APBA2: variants seen among roughly 807,000 people sequenced by gnomAD.
APBA2 encodes amyloid beta precursor protein binding family A member 2.
A neutral mutation model predicts 75.0 loss-of-function variants in APBA2; 30 were observed. The observed-to-expected ratio is 0.40, with a 90% CI of 0.30 to 0.54. APBA2 has a LOEUF of 0.54. Among genes scored for constraint, APBA2 ranks in the 20% least tolerant of loss-of-function variants. APBA2 has a pLI of 0.49. For synonymous variants in APBA2, 444 were observed against 409.6 expected, an observed-to-expected ratio of 1.08 and a Z score of -1.01; for missense variants, 801 against 1,016.1, an observed-to-expected ratio of 0.79 and a Z score of 2.88.
chr15:28,985,834 G>C (rs776107626), intron 2 of APBA2, among the ~76,000 whole-genome samples: 4 of 152,170 alleles, frequency 2.6e-5, no homozygotes, highest in Non-Finnish European at 4.4e-5. Context: ...AGGAAGGAGA[G>C]AGATAGAAGA....
chr15:29,017,878 TC>T (rs2039755269), intron 3 of APBA2, among the ~76,000 whole-genome samples: 1 of 152,222 alleles, frequency 6.6e-6, no homozygotes, highest in Non-Finnish European at 1.5e-5. Flanking sequence ...TTATTTTGTT[TC>T]TTTTTTGACA....
chr15:28,959,806 A>G (rs1323142672), intron 2 of APBA2, among the ~76,000 whole-genome samples: 4 of 152,140 alleles, frequency 2.6e-5, no homozygotes, highest in African/African-American at 4.8e-5. Flanking sequence ...TGAAACTGAC[A>G]CTCTACGGAA....
intron 1 of APBA2, among the ~76,000 whole-genome samples, chr15:28,898,452 C>T (rs1298451307): frequency 6.6e-6 from 1 of 152,076 alleles, no homozygotes; most frequent in Non-Finnish European, 1.5e-5. Context: ...GGGCTTGCCA[C>T]GTAACGTTGA....
intron 1 of APBA2, among the ~76,000 whole-genome samples, chr15:28,907,190 G>GT (rs1162007242): frequency 1.3e-5 from 2 of 152,142 alleles, no homozygotes; most frequent in South Asian, 2.1e-4. Context: ...TGGGGATGTA[G>GT]TTTTTTTATA....
intron 10 of APBA2, among the ~76,000 whole-genome samples, chr15:29,104,126 G>A (rs1427286274): frequency 6.6e-6 from 1 of 152,242 alleles, no homozygotes; most frequent in Non-Finnish European, 1.5e-5. Flanking sequence ...TTCATCTGCT[G>A]CTCTTACATC....
intron 2 of APBA2, among the ~76,000 whole-genome samples, chr15:28,943,642 C>T (rs1336750852): frequency 2.0e-5 from 3 of 152,182 alleles, no homozygotes; most frequent in Admixed American, 2.0e-4. Flanking sequence ...GCTTTTCACT[C>T]AGCACTGAGT....
chr15:29,054,447 C>T lies in APBA2; in HGVS notation c.563C>T (p.Ala188Val), dbSNP rs748407814. 4 of 1,614,120 alleles carry T rather than the reference C, an allele frequency of 2.5e-6. No homozygotes were observed. In the Admixed American group the frequency reaches 5.0e-5, roughly 20 times the overall value. Residue 188 changes from alanine (A) to valine (V), a missense_variant, in exon 4 of 15, where the codon GCC (alanine) becomes GTC (valine). Around this residue, in one of 2 missense-constraint regions of APBA2, gnomAD observed 434 missense variants for 471.6 expected, o/e 0.92. Transcript: ENST00000683413. The surrounding 1 kb of genome is among the most constrained non-coding windows in gnomAD (Gnocchi z 6.1). ...HDQEEDGHYC[A>V]SKEGYQDYYP... ...CAGGAAGAAGATGGTCACTACTGTG[C>T]CAGCAAAGAGGGCTACCAGGACTAC...
At chr15:29,070,591 GGA>G (rs2042576059) in intron 4 of APBA2, 1 of 158,914 alleles carries the variant, frequency 6.3e-6, no homozygotes, top group African/African-American at 2.4e-5. Context: ...AGGAGTGGAA[GGA>G]AAAGAACAAT....
intron 1 of APBA2, among the ~76,000 whole-genome samples, chr15:28,899,319 C>T (rs904085258): frequency 9.9e-5 from 15 of 152,258 alleles, no homozygotes; most frequent in African/African-American, 3.6e-4. Context: ...TCTCATTCCT[C>T]TGGACTCTAC....
intron 1 of APBA2, among the ~76,000 whole-genome samples, chr15:28,896,342 C>T (rs187311885): frequency 3.9e-5 from 6 of 152,278 alleles, no homozygotes; most frequent in East Asian, 1.9e-4. Context: ...TGCAGTGGCA[C>T]GATCTCAGCT....
intron 3 of APBA2, among the ~76,000 whole-genome samples, chr15:29,000,796 T>A (rs955460617): frequency 2.0e-5 from 3 of 152,096 alleles, no homozygotes; most frequent in Admixed American, 1.3e-4. Flanking sequence ...GATTTTGCCA[T>A]GTTGACCAGG....
chr15:29,116,296 C>G (rs899854663), intron 14 of APBA2, among the ~76,000 whole-genome samples: 2 of 152,142 alleles, frequency 1.3e-5, no homozygotes, highest in Non-Finnish European at 2.9e-5. Flanking sequence ...CTGTTCCCAG[C>G]CCCCAGCACA....
chr15:29,030,151 A>T (rs1384505992), intron 3 of APBA2, among the ~76,000 whole-genome samples: 1 of 152,130 alleles, frequency 6.6e-6, no homozygotes, highest in East Asian at 1.9e-4. Flanking sequence ...CAGAAAGCTT[A>T]ATGTGCTCAC....
chr15:29,075,775 C>T (rs987950887), intron 5 of APBA2, among the ~76,000 whole-genome samples: 3 of 152,114 alleles, frequency 2.0e-5, no homozygotes, highest in Admixed American at 6.5e-5. Flanking sequence ...CTGGTTGGAG[C>T]GTCATTGTGT....
intron 3 of APBA2, among the ~76,000 whole-genome samples, chr15:29,045,411 A>G (rs2041273431): frequency 6.6e-6 from 1 of 151,878 alleles, no homozygotes; most frequent in South Asian, 2.1e-4. Flanking sequence ...TCATAAGGGC[A>G]CAGTCCCACT....
chr15:29,081,594 C>A (rs1396246829), intron 6 of APBA2, among the ~76,000 whole-genome samples: 1 of 152,206 alleles, frequency 6.6e-6, no homozygotes, highest in African/African-American at 2.4e-5. Flanking sequence ...AAGCCACTTA[C>A]ATTTCTTGTG....
rs565216648 is a variant in APBA2 at position 28,999,931 on chromosome 15, G to A, written c.-41+4125G>A. 2.6e-5 allele frequency among the ~76,000 whole-genome samples: 4 copies of A among 152,254 alleles called. No individual in the cohort carries two copies. The East Asian group carries it at 7.8e-4, about 30-fold the overall frequency. On this transcript the variant is annotated intron_variant, in intron 3 of 14. Transcript: ENST00000683413. ...TGCAGATTCCAGTCCAGGCCGAAAG[G>A]CCTGAGAACCAGCAGCATGGAGGGC...
chr15:29,112,354 C>A (rs1217556799), intron 13 of APBA2, among the ~76,000 whole-genome samples: 1 of 152,214 alleles, frequency 6.6e-6, no homozygotes, highest in African/African-American at 2.4e-5. Flanking sequence ...TGCTTAGCAC[C>A]CAGAGCGAGC....
At chr15:29,060,787 A>AT (rs35218266) in intron 4 of APBA2, among the ~76,000 whole-genome samples, 12 of 150,316 alleles carry the variant, frequency 8.0e-5, no homozygotes, top group East Asian at 5.9e-4. Flanking sequence ...TAACGTATTG[A>AT]TTTTTTTTTT....
Sources: allele counts gnomAD v4.1 joint callset (sites outside exome capture counted in the v4.1 genomes callset), GRCh38; gene constraint gnomAD v4.1.1; regional missense constraint gnomAD v4.1.1; non-coding constraint Gnocchi (gnomAD v3.1); transcripts MANE v1.5; gene names NCBI Gene and HGNC (gene_info 2026-07-23, HGNC 2026-07-21).